COL4A1: variants seen among roughly 807,000 people sequenced by gnomAD.
COL4A1 encodes the protein collagen alpha-1(IV) chain.
COL4A1 carries 40 observed loss-of-function variants against 216.6 expected under a neutral mutation model. That is an observed-to-expected ratio of 0.18 (90% CI 0.14 to 0.24). The LOEUF (loss-of-function observed/expected upper bound fraction) is 0.24. COL4A1 is among the 10% of genes least tolerant of loss of function. The pLI is 1.00. For missense variants in COL4A1, 1,628 were observed against 2,196.8 expected (o/e 0.74, Z 5.18); for synonymous variants, 839 against 810.7 (o/e 1.03, Z -0.59).
rs67727932 is a variant in COL4A1, at chr13:110,219,662, G to GTA, written c.145-5649_145-5648dup. Among the ~76,000 whole-genome samples the GTA allele has an allele frequency of 6.2e-3, 398 of 64,484 alleles. 4 individuals are homozygous for GTA. The highest frequency in any genetic ancestry group is 0.018 in the African/African-American group (293 of 16,524). 42.3% of individuals were successfully genotyped at this position (64,484 alleles called of 152,430 possible). A position where few individuals can be genotyped will look rare whatever the true frequency, so the allele number is the denominator to read the frequency against. The stretch of plus-strand genomic sequence containing the variant: ...GTAAGTTGAAAATATATATATATAT[G>GTA]TATATATATATATATGTGTATATAT... On this transcript the variant is annotated intron_variant, in intron 2 of 51. Transcript: ENST00000375820.
rs770078876 is a variant in COL4A1 at position 110,161,260 on chromosome 13, G to A, written c.4572C>T (p.Ser1524=). ...ASRNDYSYWL[S]TPEPMPMSMA... is the part of the protein sequence containing the mutation. ...TTGACATGGGCATGGGCTCAGGGGT[G>A]GACAGCCAGTACGAGTAGTCATTTC... The change falls in exon 49 of 52, where the codon TCC becomes TCT. Residue 1524 remains serine (S), a synonymous_variant. Coordinates refer to ENST00000375820, the MANE Select transcript of COL4A1 (RefSeq NM_001845.6). The A allele has an allele frequency of 1.3e-5, 21 of 1,614,050 alleles. No homozygotes were observed. The highest frequency in any genetic ancestry group is 1.0e-4 in the Admixed American group (6 of 59,996).
chr13:110,205,355 G>A lies in COL4A1; in HGVS notation c.955C>T (p.Gln319Ter). The A allele has an allele frequency of 6.2e-7, 1 of 1,614,042 alleles. No homozygotes were observed. ...YPGLIGRQGP[Q>*]GEKGEAGPPG... ...CTCACAATAGTGCCAGCGTTTACCT[G>A]CGGGCCCTGGCGGCCTATGAGTCCT... Residue 319 changes from glutamine (Q) to a stop codon, truncating the protein, a stop_gained and splice_region_variant, in exon 17 of 52, where the codon CAG (glutamine) becomes TAG (stop). Transcript: ENST00000375820. LOFTEE classifies it high-confidence loss of function.
chr13:110,166,138 A>G, intron 45 of COL4A1, 94 bp downstream of exon 45: 1 of 810,854 alleles, frequency 1.2e-6, no homozygotes, highest in South Asian at 1.3e-5. Context: ...CATTTCACAT[A>G]TGAAAAACCA....
At chr13:110,200,455 G>C (rs1011066199) in intron 20 of COL4A1, among the ~76,000 whole-genome samples, 1 of 152,222 alleles carries the variant, frequency 6.6e-6, no homozygotes. Context: ...ATCCCAGAGA[G>C]AGGGGAAAGT....
At chr13:110,292,360 G>A (rs573474352) in intron 1 of COL4A1, among the ~76,000 whole-genome samples, 9 of 152,264 alleles carry the variant, frequency 5.9e-5, no homozygotes, top group Admixed American at 1.3e-4. Context: ...AGGGGTTCAC[G>A]GGCCCCCCAA....
Position 110,167,260 on chromosome 13 carries a change from G to T in COL4A1, c.3877-30C>A, listed in dbSNP as rs367688295. On this transcript the variant is annotated intron_variant, in intron 43 of 51. Transcript: ENST00000375820. ...ACACGCAAAGAGGAGGTTGGGAATT[G>T]CTCAGGATATGTAGGTTAAGTCTCT... is the stretch of plus-strand genomic sequence containing the variant. The T allele has an allele frequency of 1.6e-3, 2,458 of 1,550,010 alleles. 56 individuals carry two copies. The South Asian group carries it at 0.026, about 16-fold the overall frequency.
intron 18 of COL4A1, among the ~76,000 whole-genome samples, chr13:110,203,241 T>C (rs780729164): frequency 5.9e-5 from 9 of 151,418 alleles, no homozygotes; most frequent in Non-Finnish European, 1.2e-4. Flanking sequence ...AATATGTTGC[T>C]AATATTCTCA....
chr13:110,261,035 T>TTAAAAAAAAAAA (rs1303970828), intron 1 of COL4A1, among the ~76,000 whole-genome samples: 2 of 42,184 alleles, frequency 4.7e-5, no homozygotes, highest in African/African-American at 8.4e-5. Flanking sequence ...AGACTCCGTC[T>TTAAAAAAAAAAA]CAAAAAAAAA....
At chr13:110,262,657 G>A (rs1458602343) in intron 1 of COL4A1, among the ~76,000 whole-genome samples, 2 of 152,122 alleles carry the variant, frequency 1.3e-5, no homozygotes, top group African/African-American at 2.4e-5. Context: ...AACCCCCAGG[G>A]TCCAGAGTTC....
At chr13:110,152,249 T>TC in intron 51 of COL4A1, 85 bp downstream of exon 51, 2 of 1,575,438 alleles carry the variant, frequency 1.3e-6, no homozygotes, top group South Asian at 2.3e-5. Flanking sequence ...GACTTTGCAT[T>TC]GGAAGGTGTT....
At chr13:110,171,034 G>C (rs1470167428) in intron 41 of COL4A1, among the ~76,000 whole-genome samples, 6 of 152,240 alleles carry the variant, frequency 3.9e-5, no homozygotes, top group Non-Finnish European at 7.3e-5. Context: ...TGTGTTTAAA[G>C]ACATCTGCAG....
At chr13:110,178,519 C>A (rs917155629) in intron 31 of COL4A1, among the ~76,000 whole-genome samples, 4 of 152,226 alleles carry the variant, frequency 2.6e-5, no homozygotes, top group Non-Finnish European at 4.4e-5. Context: ...GCTAGTTTTG[C>A]TCTAATTTCC....
intron 1 of COL4A1, among the ~76,000 whole-genome samples, chr13:110,253,019 C>T (rs1448899739): frequency 3.2e-5 from 2 of 62,390 alleles, no homozygotes; most frequent in African/African-American, 1.1e-4. Context: ...ACTATAAGTA[C>T]GTATGTATTA....
Position 110,296,988 on chromosome 13 carries a change from C to T in COL4A1, c.84+9956G>A, listed in dbSNP as rs7982309. On this transcript the variant is annotated intron_variant, in intron 1 of 51. Transcript: ENST00000375820. ...GGCTTCCAGCCCTACCAGGGCATGCCACCTTCTAGGAACAGCTCCACATCT... is the reference window on the plus strand; with the variant it reads ...GGCTTCCAGCCCTACCAGGGCATGCTACCTTCTAGGAACAGCTCCACATCT... Among the ~76,000 whole-genome samples the T allele has an allele frequency of 3.3e-3, 507 of 152,322 alleles. 1 individual carries two copies. Among genetic ancestry groups the T allele is most frequent in the African/African-American group, 0.012 (481 of 41,566 alleles).
chr13:110,191,514 G>A, intron 24 of COL4A1: 1 of 501,868 alleles, frequency 2.0e-6, no homozygotes. Flanking sequence ...CAAAATTCAA[G>A]ATTATTATTA....
At chr13:110,289,101 A>G (rs75863835) in intron 1 of COL4A1, among the ~76,000 whole-genome samples, 4,388 of 152,198 alleles carry the variant, frequency 0.029, 175 homozygotes, top group African/African-American at 0.089. Context: ...AGAGTGGACT[A>G]AGGTCAGTGA....
intron 1 of COL4A1, among the ~76,000 whole-genome samples, chr13:110,279,841 G>C (rs578049334): frequency 6.6e-6 from 1 of 152,256 alleles, no homozygotes; most frequent in Non-Finnish European, 1.5e-5. Flanking sequence ...CTGCAGTGCT[G>C]GCCTGTCTCC....
intron 2 of COL4A1, among the ~76,000 whole-genome samples, chr13:110,229,712 C>T (rs542670113): frequency 2.8e-4 from 43 of 152,306 alleles, no homozygotes; most frequent in African/African-American, 7.2e-4. Flanking sequence ...GGTCCACAGC[C>T]GACCTCGAAT....
At position 110,181,392 on chromosome 13, in the gene COL4A1, G is replaced by A. The variant is rs1232150856; in HGVS notation, c.2096-3C>T. On this transcript the variant is annotated splice_polypyrimidine_tract_variant and splice_region_variant and intron_variant, in intron 28 of 51. Coordinates refer to ENST00000375820, the MANE Select transcript of COL4A1 (RefSeq NM_001845.6). ...GTCTCCAGGTAAGCCGTCAACACCT[G>A]TTTTAAAGAGTCAAAAAAAAAAAAC... 2 of 1,591,858 alleles carry A rather than the reference G, an allele frequency of 1.3e-6. No homozygotes were observed. Among genetic ancestry groups the A allele is most frequent in the East Asian group, 2.2e-5 (1 of 44,564 alleles).
Sources: allele counts gnomAD v4.1 joint callset (sites outside exome capture counted in the v4.1 genomes callset), GRCh38; gene constraint gnomAD v4.1.1; transcripts MANE v1.5; gene names NCBI Gene and HGNC (gene_info 2026-07-23, HGNC 2026-07-21).